Variants in BDH1 observed in about 807,000 individuals in gnomAD.
The protein encoded by BDH1 is 3-hydroxybutyrate dehydrogenase 1, also known as D-beta-hydroxybutyrate dehydrogenase, mitochondrial.
BDH1 carries 30 observed loss-of-function variants against 33.1 expected under a neutral mutation model. The ratio of observed to expected loss-of-function variants is 0.91; its 90% CI spans 0.68 to 1.23. BDH1 has a LOEUF of 1.23. Ranked by LOEUF, BDH1 falls within the 50% of genes most tolerant of loss-of-function variation. The probability of loss-of-function intolerance (pLI) is 0.00; values close to 1 mark genes in which losing one functional copy is unlikely to be tolerated. For missense variants in BDH1, 443 were observed against 464.4 expected (o/e 0.95, Z 0.42); for synonymous variants, 190 against 183.6 (o/e 1.03, Z -0.28).
At chr3:197,532,936 G>A (rs150467569) in intron 4 of BDH1, among the ~76,000 whole-genome samples, 1 of 152,128 alleles carries the variant, frequency 6.6e-6, no homozygotes, top group East Asian at 1.9e-4. Context: ...GAGGGCAATG[G>A]CCAGTCTCGG....
intron 3 of BDH1, chr3:197,538,264 A>C (rs977505721): frequency 4.4e-6 from 2 of 456,692 alleles, no homozygotes; most frequent in Admixed American, 2.3e-5. Flanking sequence ...GGGGTGAATG[A>C]GCAGGTGGTA....
intron 5 of BDH1, among the ~76,000 whole-genome samples, chr3:197,524,843 G>C (rs62282549): frequency 0.2 from 31,125 of 151,920 alleles, 3,470 homozygotes; most frequent in African/African-American, 0.29. Context: ...ACCTAACACC[G>C]CTTCCGTTCC....
chr3:197,538,357 T>C lies in BDH1; in HGVS notation c.84-4796A>G, dbSNP rs568621535. The C allele has an allele frequency of 1.5e-4, 70 of 455,160 alleles. No homozygotes were observed. In the East Asian group the frequency reaches 2.9e-3, roughly 19 times the overall value. The allele number at this position is 455,160 out of a possible 1,614,324, so 28.2% of individuals were successfully genotyped here. ...TCAAATTTTGTTTTTTGTTTTGTTT[T>C]GTTTTGTTTTTGAGACAGAGTTTCA... On this transcript the variant is annotated intron_variant, in intron 3 of 7. Transcript: ENST00000392379.
chr3:197,510,598 GGGTGTGT>G lies in BDH1; in HGVS notation c.*1290_*1296del, dbSNP rs1195854240. 44 of 123,320 alleles carry G rather than the reference GGGTGTGT, an allele frequency of 3.6e-4. 1 individual carries two copies. Among genetic ancestry groups the G allele is most frequent in the Admixed American group, 1.3e-3 (16 of 12,728 alleles). 7.6% of individuals were successfully genotyped at this position (123,320 alleles called of 1,614,324 possible). A position where few individuals can be genotyped will look rare whatever the true frequency, so the allele number is the denominator to read the frequency against. On this transcript the variant is annotated 3_prime_UTR_variant, in exon 8 of 8. Coordinates refer to ENST00000392379, the MANE Select transcript of BDH1 (RefSeq NM_203314.3). ...GCCACGCTGAAGCCCTGCAGAACAGGGGTGTGTGTGTGTGTGTGTGTGTGTGTGTGTG... is the reference window on the plus strand; with the variant it reads ...GCCACGCTGAAGCCCTGCAGAACAGGGTGTGTGTGTGTGTGTGTGTGTGTG...
intron 1 of BDH1, among the ~76,000 whole-genome samples, chr3:197,569,040 C>G (rs1417951155): frequency 1.3e-5 from 2 of 152,168 alleles, no homozygotes. Flanking sequence ...TAAGATTATT[C>G]CCATTTGCAA....
At chr3:197,562,756 A>C (rs1280753330) in intron 1 of BDH1, among the ~76,000 whole-genome samples, 2 of 152,102 alleles carry the variant, frequency 1.3e-5, no homozygotes, top group Admixed American at 1.3e-4. Context: ...TCTTCCTTTT[A>C]AGAAAAAAAA....
chr3:197,521,946 T>C lies in BDH1; in HGVS notation c.409+694A>G, dbSNP rs937121086. ...CCCTTCAGTGGCTCCCCAGTGCCATTGGGAGACCAGCCATGTTCCCTCGCC... is the reference window on the plus strand; with the variant it reads ...CCCTTCAGTGGCTCCCCAGTGCCATCGGGAGACCAGCCATGTTCCCTCGCC... On this transcript the variant is annotated intron_variant, in intron 6 of 7. Coordinates refer to ENST00000392379, the MANE Select transcript of BDH1 (RefSeq NM_203314.3). This position sits in a 1 kb window ranked among gnomAD's most constrained non-coding sequence, Gnocchi z 4.9. 6.6e-6 allele frequency among the ~76,000 whole-genome samples: 1 copy of C among 152,152 alleles called. No individual in the cohort carries two copies. Among genetic ancestry groups the C allele is most frequent in the African/African-American group, 2.4e-5 (1 of 41,418 alleles).
chr3:197,533,058 G>C (rs1363083574), intron 4 of BDH1, among the ~76,000 whole-genome samples: 1 of 152,164 alleles, frequency 6.6e-6, no homozygotes, highest in Non-Finnish European at 1.5e-5. Flanking sequence ...TGTATTTTTA[G>C]TAGAGATGGG....
Position 197,510,523 on chromosome 3 carries a change from G to A in BDH1, c.*1372C>T, listed in dbSNP as rs1711800845. The A allele has an allele frequency of 6.6e-6, 1 of 152,330 alleles. No individual in the cohort carries two copies. The highest frequency in any genetic ancestry group is 1.5e-5 in the Non-Finnish European group (1 of 68,346). 9.4% of individuals were successfully genotyped at this position (152,330 alleles called of 1,614,324 possible). On this transcript the variant is annotated 3_prime_UTR_variant, in exon 8 of 8. Transcript: ENST00000392379. ...AGTGATCATGCAGACCCTGCCTCAA[G>A]TGGCATCACTTCTTAATTGAAAAGA...
intron 5 of BDH1, among the ~76,000 whole-genome samples, chr3:197,524,483 C>A (rs1221861357): frequency 1.3e-5 from 2 of 152,164 alleles, no homozygotes; most frequent in Admixed American, 6.5e-5. Context: ...TCAGAGGGCA[C>A]AGGAGGAAAT....
chr3:197,550,408 G>A (rs1259804875), intron 2 of BDH1, among the ~76,000 whole-genome samples: 1 of 152,222 alleles, frequency 6.6e-6, no homozygotes, highest in Non-Finnish European at 1.5e-5. Flanking sequence ...ACACTCTGCA[G>A]TGACTACCTT....
chr3:197,554,847 G>C lies in BDH1; in HGVS notation c.-195-134C>G, dbSNP rs1331268737. 6.6e-6 allele frequency: 1 copy of C among 152,264 alleles called. No homozygotes were observed. The highest frequency in any genetic ancestry group is 1.5e-5 in the Non-Finnish European group (1 of 68,070). The allele number at this position is 152,264 out of a possible 1,614,324, so 9.4% of individuals were successfully genotyped here. A position where few individuals can be genotyped will look rare whatever the true frequency, so the allele number is the denominator to read the frequency against. On this transcript the variant is annotated intron_variant, in intron 1 of 7. Coordinates refer to ENST00000392379, the MANE Select transcript of BDH1 (RefSeq NM_203314.3). The surrounding 1 kb of genome is among the most constrained non-coding windows in gnomAD (Gnocchi z 4.4). ...GCGCCTGGGCCGCTAGGGACCGACC[G>C]GAGCGCTCAAACCCACAGGGTATCT...
chr3:197,514,645 C>T lies in BDH1; in HGVS notation c.410-229G>A, dbSNP rs1712496044. 6.6e-6 allele frequency among the ~76,000 whole-genome samples: 1 copy of T among 152,184 alleles called. No individual in the cohort carries two copies. The highest frequency in any genetic ancestry group is 1.5e-5 in the Non-Finnish European group (1 of 68,022). On this transcript the variant is annotated intron_variant, in intron 6 of 7. Transcript: ENST00000392379. The surrounding 1 kb of genome is among the most constrained non-coding windows in gnomAD (Gnocchi z 4.2). The stretch of plus-strand genomic sequence containing the variant: ...TCTAGAATGTCCAGTCCTCACGTCA[C>T]ATCTGCCTGGCTCGAGTCTCTGGGC...
At chr3:197,534,496 G>A (rs904098088) in intron 3 of BDH1, among the ~76,000 whole-genome samples, 3 of 152,168 alleles carry the variant, frequency 2.0e-5, no homozygotes, top group African/African-American at 7.2e-5. Context: ...CAGCTGAGTT[G>A]TTTCCTGTTT....
At chr3:197,534,767 C>T (rs1715001162) in intron 3 of BDH1, among the ~76,000 whole-genome samples, 1 of 152,218 alleles carries the variant, frequency 6.6e-6, no homozygotes, top group South Asian at 2.1e-4. Flanking sequence ...CTAGTTTAGC[C>T]ATGCTGAAAA....
intron 1 of BDH1, among the ~76,000 whole-genome samples, chr3:197,569,866 A>G (rs1288871690): frequency 1.3e-5 from 2 of 152,240 alleles, no homozygotes; most frequent in Non-Finnish European, 2.9e-5. Flanking sequence ...AGAGTGGGGC[A>G]CTGCTGTCAG....
At chr3:197,527,656 AGAG>A in intron 5 of BDH1, among the ~76,000 whole-genome samples, 1 of 152,216 alleles carries the variant, frequency 6.6e-6, no homozygotes, top group South Asian at 2.1e-4. Flanking sequence ...CTTCAGCCAC[AGAG>A]GCTTCATGCT....
intron 7 of BDH1, among the ~76,000 whole-genome samples, chr3:197,513,769 T>C (rs1361779603): frequency 6.6e-6 from 1 of 152,230 alleles, no homozygotes; most frequent in Non-Finnish European, 1.5e-5. Flanking sequence ...ACTTCTAAAG[T>C]GGTTTGCTCA....
intron 5 of BDH1, among the ~76,000 whole-genome samples, chr3:197,524,229 A>G (rs1400359121): frequency 6.6e-6 from 1 of 152,250 alleles, no homozygotes; most frequent in Non-Finnish European, 1.5e-5. Context: ...CTCTTGTAAG[A>G]GGACAGGACT....
Sources: gnomAD v4.1 joint callset for allele counts (sites outside exome capture counted in the v4.1 genomes callset) on GRCh38, gnomAD v4.1.1 for gene constraint, Gnocchi (gnomAD v3.1) non-coding constraint, MANE v1.5 for transcripts, NCBI Gene and HGNC (gene_info 2026-07-23, HGNC 2026-07-21) for gene names.